Variants in STEAP3 observed in about 807,000 individuals in gnomAD.
STEAP3 encodes the protein STEAP3 metalloreductase, also known as metalloreductase STEAP3.
A neutral mutation model predicts 34.9 loss-of-function variants in STEAP3; 35 were observed. The observed-to-expected ratio is 1.00, with a 90% CI of 0.76 to 1.33. The LOEUF is 1.33. STEAP3 is among the 40% of genes most tolerant of loss of function. The pLI, the probability that STEAP3 is intolerant of heterozygous loss-of-function variation, is 0.00. For synonymous variants in STEAP3, 281 were observed against 301.6 expected (o/e 0.93, Z 0.71); for missense variants, 652 against 667.6 (o/e 0.98, Z 0.26).
Position 119,230,733 on chromosome 2 carries a change from C to T in STEAP3, c.-280C>T, listed in dbSNP as rs999183637. On this transcript the variant is annotated 5_prime_UTR_variant, in exon 2 of 6. Transcript: ENST00000393110. ...ATTATCACCCGTGAGGTTTCCTCCC[C>T]GAGCAGGAAGCAGCAGGCCAGAGCT... 5.8e-5 allele frequency: 32 copies of T among 549,216 alleles called. No homozygotes were observed. Among genetic ancestry groups the T allele is most frequent in the South Asian group, 1.8e-4 (8 of 45,326 alleles). The allele number at this position is 549,216 out of a possible 1,614,324, so 34.0% of individuals were successfully genotyped here.
chr2:119,259,323 T>C (rs2104848118), intron 5 of STEAP3, among the ~76,000 whole-genome samples: 1 of 152,334 alleles, frequency 6.6e-6, no homozygotes, highest in Admixed American at 6.5e-5. Context: ...CTCATGACAA[T>C]CCCTCTCCTT....
At chr2:119,234,298 G>A (rs553677443) in intron 2 of STEAP3, among the ~76,000 whole-genome samples, 5 of 152,208 alleles carry the variant, frequency 3.3e-5, no homozygotes, top group African/African-American at 1.2e-4. Flanking sequence ...ACCAGTCCCA[G>A]GGTTTGTGCA....
chr2:119,248,024 C>G lies in STEAP3; in HGVS notation c.868C>G (p.Leu290Val), dbSNP rs202090855. The G allele has an allele frequency of 6.2e-7, 1 of 1,610,244 alleles. No individual in the cohort carries two copies. The highest frequency in any genetic ancestry group is 8.5e-7 in the Non-Finnish European group (1 of 1,179,884). The change falls in exon 4 of 6, where the codon CTG (leucine) becomes GTG (valine). Residue 290 changes from leucine to valine, a missense_variant. By Grantham distance (32) the Leu-to-Val change is conservative. Transcript: ENST00000393110. ...VYLPGVLAAA[L>V]QLRRGTKYQR... ...CTTGCCCGGCGTGCTGGCGGCTGCCCTGCAGCTGCGGCGCGGCACCAAGTA... is the reference window on the plus strand; with the variant it reads ...CTTGCCCGGCGTGCTGGCGGCTGCCGTGCAGCTGCGGCGCGGCACCAAGTA...
rs142162377 is a variant in STEAP3, at chr2:119,250,838, A to C, written c.1050+2632A>C. 1.3e-3 allele frequency among the ~76,000 whole-genome samples: 194 copies of C among 152,306 alleles called. 2 individuals carry two copies. The highest frequency in any genetic ancestry group is 4.5e-3 in the African/African-American group (188 of 41,566). On this transcript the variant is annotated intron_variant, in intron 4 of 5. Coordinates refer to ENST00000393110, the MANE Select transcript of STEAP3 (RefSeq NM_182915.3). ...TTTTCCCCGTGTCCCAAAAATCTTT[A>C]GGGCTGCAGGCCCTGGTGAGGTTGC... is the stretch of plus-strand genomic sequence containing the variant.
intron 1 of STEAP3, among the ~76,000 whole-genome samples, chr2:119,229,808 G>A (rs183615157): frequency 3.2e-4 from 49 of 152,094 alleles, no homozygotes; most frequent in Admixed American, 1.6e-3. Context: ...TGGCTGTGGT[G>A]GGGGGTGGAG....
Position 119,224,944 on chromosome 2 carries a change from A to T in STEAP3, c.-394+1056A>T, listed in dbSNP as rs111747409. On this transcript the variant is annotated intron_variant, in intron 1 of 5. Coordinates refer to ENST00000393110, the MANE Select transcript of STEAP3 (RefSeq NM_182915.3). The stretch of plus-strand genomic sequence containing the variant: ...TATTTTGCAAGGATACACAGCTAGG[A>T]AGTTGCAGAAGTAGAATTTGAACCC... Among the ~76,000 whole-genome samples, 178 of 152,296 alleles carry T rather than the reference A, an allele frequency of 1.2e-3. 2 individuals are homozygous for T. Among genetic ancestry groups the T allele is most frequent in the Middle Eastern group, 0.01 (3 of 294 alleles).
chr2:119,228,488 G>A (rs1184515972), intron 1 of STEAP3, among the ~76,000 whole-genome samples: 9 of 152,202 alleles, frequency 5.9e-5, no homozygotes, highest in Admixed American at 2.0e-4. Context: ...GAGCAGCTGC[G>A]GGAAGTGACA....
At chr2:119,227,193 G>A (rs1288206856) in intron 1 of STEAP3, among the ~76,000 whole-genome samples, 1 of 152,162 alleles carries the variant, frequency 6.6e-6, no homozygotes, top group Admixed American at 6.5e-5. Flanking sequence ...GCTCATGTGA[G>A]TGAGCAAGGA....
At chr2:119,260,026 A>C (rs1450344941) in intron 5 of STEAP3, among the ~76,000 whole-genome samples, 1 of 152,202 alleles carries the variant, frequency 6.6e-6, no homozygotes, top group Non-Finnish European at 1.5e-5. Context: ...AAAAAACAAC[A>C]GATGCCCCGC....
Position 119,263,709 on chromosome 2 carries a change from C to T in STEAP3, c.*371C>T. ...ACTTTTTGTACAGAAGAGGCTTGTG[C>T]TGTGGTGGGTTCGATTTATCCCTGC... On this transcript the variant is annotated 3_prime_UTR_variant, in exon 6 of 6. Transcript: ENST00000393110. 1 of 348,590 alleles carries T rather than the reference C, an allele frequency of 2.9e-6. No homozygotes were observed. Among genetic ancestry groups the T allele is most frequent in the Admixed American group, 4.2e-5 (1 of 24,026 alleles). 21.6% of individuals were successfully genotyped at this position (348,590 alleles called of 1,614,324 possible).
chr2:119,243,525 C>G (rs1274365872), intron 2 of STEAP3, among the ~76,000 whole-genome samples: 1 of 152,226 alleles, frequency 6.6e-6, no homozygotes, highest in African/African-American at 2.4e-5. Context: ...GGAATGATAA[C>G]TGAATCTACT....
At chr2:119,251,307 C>T (rs1573570012) in intron 4 of STEAP3, among the ~76,000 whole-genome samples, 1 of 152,310 alleles carries the variant, frequency 6.6e-6, no homozygotes, top group Non-Finnish European at 1.5e-5. Context: ...CAAGAAACTC[C>T]TCCAAGATTT....
At chr2:119,246,140 A>C in intron 3 of STEAP3, 152 bp downstream of exon 3, 2 of 1,079,008 alleles carry the variant, frequency 1.9e-6, no homozygotes, top group Non-Finnish European at 2.6e-6. Flanking sequence ...ATTGTGGCTC[A>C]AAGACATTAA....
chr2:119,263,073 TG>T lies in STEAP3; in HGVS notation c.1234del (p.Ala412ProfsTer4). 6.2e-7 allele frequency: 1 copy of T among 1,607,104 alleles called. No homozygotes were observed. The highest frequency in any genetic ancestry group is 1.7e-5 in the Admixed American group (1 of 60,022). ...FSFVQSSLGFVALVLSTLHTL... is the reference protein window; with the variant it reads ...FSFVQSSLGFXALVLSTLHTL... ...CCTCCACAGTCCTCACTGGGCTTTG[TG>T]GCCCTCGTGCTGAGCACACTGCACA... On this transcript the variant is annotated frameshift_variant, in exon 6 of 6. Coordinates refer to ENST00000393110, the MANE Select transcript of STEAP3 (RefSeq NM_182915.3). LOFTEE classifies it high-confidence loss of function.
intron 2 of STEAP3, among the ~76,000 whole-genome samples, chr2:119,240,057 A>G (rs1165838811): frequency 6.6e-6 from 1 of 152,196 alleles, no homozygotes; most frequent in Non-Finnish European, 1.5e-5. Flanking sequence ...AAGTAGCTGG[A>G]CGTGATAGCA....
At chr2:119,240,623 C>G (rs936967903) in intron 2 of STEAP3, among the ~76,000 whole-genome samples, 1 of 152,250 alleles carries the variant, frequency 6.6e-6, no homozygotes, top group African/African-American at 2.4e-5. Flanking sequence ...GCCATAAACA[C>G]AGGCTGTAGC....
In STEAP3 at chr2:119,257,390, C is replaced by T. The variant is rs1677804035; in HGVS notation, c.1215+2542C>T. 14 of 1,399,954 alleles carry T rather than the reference C, an allele frequency of 1.0e-5. 1 individual carries two copies. The African/African-American group carries it at 1.2e-4, about 12-fold the overall frequency. 86.7% of individuals were successfully genotyped at this position (1,399,954 alleles called of 1,614,324 possible). ...TGCCTCCCATCCGTGGACTCAGATG[C>T]TGAGGGATGGCTCTGGCAATCTATT... is the stretch of plus-strand genomic sequence containing the variant. On this transcript the variant is annotated intron_variant, in intron 5 of 5. Transcript: ENST00000393110.
chr2:119,247,593 C>A, intron 3 of STEAP3, 86 bp from the exon 4 acceptor site: 1 of 1,411,896 alleles, frequency 7.1e-7, no homozygotes, highest in Non-Finnish European at 9.3e-7. Flanking sequence ...GCCCCTCTGG[C>A]CCTCGGTTTC....
intron 4 of STEAP3, among the ~76,000 whole-genome samples, chr2:119,251,378 C>A (rs1413168692): frequency 2.0e-5 from 3 of 152,202 alleles, no homozygotes; most frequent in Non-Finnish European, 4.4e-5. Flanking sequence ...TAGAGAAAAC[C>A]TTTGAGACCA....
Sources: allele counts gnomAD v4.1 joint callset (sites outside exome capture counted in the v4.1 genomes callset), GRCh38; gene constraint gnomAD v4.1.1; transcripts MANE v1.5; gene names NCBI Gene and HGNC (gene_info 2026-07-23, HGNC 2026-07-21).